SANBR: variants seen among roughly 807,000 people sequenced by gnomAD.
The protein encoded by SANBR is SANT and BTB domain regulator of class switch recombination.
Under a neutral mutation model 101.8 loss-of-function variants are expected in SANBR, and 77 were observed. The observed-to-expected ratio is 0.76, with a 90% CI of 0.63 to 0.91. SANBR has a LOEUF of 0.91. SANBR is among the 40% of genes least tolerant of loss of function. The pLI, the probability that SANBR is intolerant of heterozygous loss-of-function variation, is 0.00. For missense variants in SANBR, 875 were observed against 853.0 expected (o/e 1.03, Z -0.32); for synonymous variants, 279 against 274.7 (o/e 1.02, Z -0.15).
intron 16 of SANBR, among the ~76,000 whole-genome samples, chr2:61,109,802 C>T (rs1277314462): frequency 1.3e-5 from 2 of 150,134 alleles, no homozygotes; most frequent in Non-Finnish European, 3.0e-5. Context: ...CTGAGTAGCT[C>T]GGACTACTCA....
intron 16 of SANBR, among the ~76,000 whole-genome samples, chr2:61,111,392 C>CA (rs1015751597): frequency 2.6e-4 from 39 of 151,736 alleles, no homozygotes; most frequent in African/African-American, 6.3e-4. Flanking sequence ...GACTCCGTCT[C>CA]AAAAAAAAGA....
chr2:61,073,618 G>T (rs537808938), intron 5 of SANBR, 67 bp downstream of exon 5: 6 of 881,010 alleles, frequency 6.8e-6, no homozygotes, highest in Non-Finnish European at 8.8e-6. Context: ...TATATGATTG[G>T]TGGTTACCAT....
chr2:61,131,518 T>A (rs1044482098), intron 20 of SANBR, among the ~76,000 whole-genome samples: 2 of 152,184 alleles, frequency 1.3e-5, no homozygotes, highest in African/African-American at 4.8e-5. Context: ...AAATAAAATA[T>A]TGTTGAAAGA....
At chr2:61,069,500 T>C (rs112070345) in intron 2 of SANBR, among the ~76,000 whole-genome samples, 1,680 of 151,534 alleles carry the variant, frequency 0.011, 32 homozygotes, top group African/African-American at 0.038. Flanking sequence ...CTTTGTACTC[T>C]CGTCCTAAAA....
chr2:61,089,637 T>G (rs1253199269), intron 10 of SANBR: 1 of 152,422 alleles, frequency 6.6e-6, no homozygotes, highest in Non-Finnish European at 1.5e-5. Context: ...AGCACACCAT[T>G]GCACTCCAGC....
chr2:61,112,483 C>T (rs1196284432), intron 16 of SANBR, among the ~76,000 whole-genome samples: 2 of 151,342 alleles, frequency 1.3e-5, no homozygotes, highest in Non-Finnish European at 2.9e-5. Flanking sequence ...TATGCCTTGC[C>T]TTTTAATTTT....
intron 16 of SANBR, among the ~76,000 whole-genome samples, chr2:61,113,743 A>G (rs796146714): frequency 2.0e-5 from 3 of 152,062 alleles, no homozygotes; most frequent in African/African-American, 7.2e-5. Flanking sequence ...CCTTTTATTT[A>G]TATGTCTTGC....
chr2:61,104,457 G>A lies in SANBR; in HGVS notation c.1511+459G>A, dbSNP rs1683451035. On this transcript the variant is annotated intron_variant, in intron 13 of 21. Transcript: ENST00000402291. Reference sequence around the variant, plus strand: ...AGATCGTGCCACTGCACTCCAGCCTGGGTGACAGAGCAAAAAAAAAAGAGC... The same window carrying A: ...AGATCGTGCCACTGCACTCCAGCCTAGGTGACAGAGCAAAAAAAAAAGAGC... Among the ~76,000 whole-genome samples, 5 of 148,104 alleles carry A rather than the reference G, an allele frequency of 3.4e-5. No individual in the cohort carries two copies. In the South Asian group the frequency reaches 1.1e-3, roughly 31 times the overall value.
rs535209535 is a variant in SANBR, at chr2:61,114,610, C to CAT, written c.1745-1360_1745-1359dup. Among the ~76,000 whole-genome samples, 508 of 152,200 alleles carry CAT rather than the reference C, an allele frequency of 3.3e-3. 3 individuals carry two copies. The highest frequency in any genetic ancestry group is 5.9e-3 in the Non-Finnish European group (400 of 68,020). ...CCTACATCTCACTGCATTGGACTTGCATATATATATGTGTGTATCTATGTA... is the reference window on the plus strand; with the variant it reads ...CCTACATCTCACTGCATTGGACTTGCATATATATATATGTGTGTATCTATGTA... On this transcript the variant is annotated intron_variant, in intron 16 of 21. Transcript: ENST00000402291.
rs375674932 is a variant in SANBR, at chr2:61,117,559, G to A, written c.1939+19G>A. ...GAAGACGGTAAATTTTATTATTTGG[G>A]TAATGTACAAATTGGATGTAAATAG... On this transcript the variant is annotated intron_variant, in intron 19 of 21. Coordinates refer to ENST00000402291, the MANE Select transcript of SANBR (RefSeq NM_001129993.3). 1.6e-5 allele frequency: 25 copies of A among 1,583,616 alleles called. No homozygotes were observed. In the African/African-American group the frequency reaches 3.2e-4, roughly 20 times the overall value.
intron 10 of SANBR, chr2:61,089,678 A>G (rs1320440737): frequency 6.6e-6 from 1 of 152,206 alleles, no homozygotes; most frequent in Non-Finnish European, 1.5e-5. Flanking sequence ...TCCATCTCAA[A>G]TAAATAAAAT....
At position 61,109,216 on chromosome 2, in the gene SANBR, CAGA is replaced by C. The variant is rs774768727; in HGVS notation, c.1675_1677del (p.Glu559del). On this transcript the variant is annotated inframe_deletion, in exon 16 of 22. Coordinates refer to ENST00000402291, the MANE Select transcript of SANBR (RefSeq NM_001129993.3). ...ACTTAGAAACAACAGTCACTGTTTT[CAGA>C]AGAAGAAGAATATACCACTGGATCT... The C allele has an allele frequency of 2.0e-5, 31 of 1,515,112 alleles. No individual in the cohort carries two copies. Among genetic ancestry groups the C allele is most frequent in the South Asian group, 7.1e-5 (5 of 70,686 alleles). The allele number at this position is 1,515,112 out of a possible 1,614,324, so 93.9% of individuals were successfully genotyped here.
At position 61,123,506 on chromosome 2, in the gene SANBR, A is replaced by C; in HGVS notation, c.*1344A>C. On this transcript the variant is annotated 3_prime_UTR_variant, in exon 22 of 22. Coordinates refer to ENST00000402291, the MANE Select transcript of SANBR (RefSeq NM_001129993.3). ...TTTATATTTGTTTCAATTGTTTGAT[A>C]CTGTGGAAATAGACTTTTATTTTCG... 1.0e-6 allele frequency: 1 copy of C among 973,250 alleles called. No individual in the cohort carries two copies. 60.3% of individuals were successfully genotyped at this position (973,250 alleles called of 1,614,324 possible). A position where few individuals can be genotyped will look rare whatever the true frequency, so the allele number is the denominator to read the frequency against.
intron 16 of SANBR, among the ~76,000 whole-genome samples, chr2:61,114,078 A>G (rs1490947782): frequency 2.0e-5 from 3 of 152,142 alleles, no homozygotes; most frequent in Non-Finnish European, 4.4e-5. Context: ...TGTAAACTCC[A>G]CTTGGTCATT....
At chr2:61,092,735 T>G (rs1428948800) in intron 11 of SANBR, 148 bp downstream of exon 11, 11 of 616,926 alleles carry the variant, frequency 1.8e-5, no homozygotes, top group Admixed American at 3.8e-5. Flanking sequence ...GCATGGTGGC[T>G]CGTGCCTGTA....
At position 61,065,937 on chromosome 2, in the gene SANBR, T is replaced by G. The variant is rs1681120834; in HGVS notation, c.-237T>G. 6.6e-6 allele frequency: 1 copy of G among 152,082 alleles called. No homozygotes were observed. Among genetic ancestry groups the G allele is most frequent in the East Asian group, 1.9e-4 (1 of 5,232 alleles). 9.4% of individuals were successfully genotyped at this position (152,082 alleles called of 1,614,324 possible). Reference sequence around the variant, plus strand: ...AGGCGCTGCGGACGGGGTTGCGGGCTCGGTAGCGGCAGCTTCAGGGCGCGA... The same window carrying G: ...AGGCGCTGCGGACGGGGTTGCGGGCGCGGTAGCGGCAGCTTCAGGGCGCGA... On this transcript the variant is annotated 5_prime_UTR_variant, in exon 1 of 22. Transcript: ENST00000402291.
intron 15 of SANBR, 78 bp downstream of exon 15, chr2:61,108,427 G>T: frequency 2.1e-6 from 2 of 936,926 alleles, no homozygotes; most frequent in South Asian, 1.7e-5. Flanking sequence ...AATCTTATCA[G>T]TATCTTATTT....
intron 12 of SANBR, among the ~76,000 whole-genome samples, chr2:61,102,773 A>G (rs1184850127): frequency 6.6e-6 from 1 of 151,960 alleles, no homozygotes; most frequent in African/African-American, 2.4e-5. Flanking sequence ...CTTAGCCTCA[A>G]GTGATCTGCT....
chr2:61,110,487 C>T (rs532270131), intron 16 of SANBR, among the ~76,000 whole-genome samples: 1 of 152,252 alleles, frequency 6.6e-6, no homozygotes, highest in Admixed American at 6.5e-5. Flanking sequence ...CAAGAGCAGC[C>T]TGGCCAACGT....
Sources: gnomAD v4.1 joint callset for allele counts (sites outside exome capture counted in the v4.1 genomes callset) on GRCh38, gnomAD v4.1.1 for gene constraint, MANE v1.5 for transcripts, NCBI Gene and HGNC (gene_info 2026-07-23, HGNC 2026-07-21) for gene names.